The following NIN variants were observed in gnomAD, a reference collection of about 807,000 sequenced individuals.
NIN encodes ninein, also known as glycogen synthase kinase 3 beta-interacting protein.
NIN carries 137 observed loss-of-function variants against 257.6 expected under a neutral mutation model. The observed-to-expected ratio is 0.53, with a 90% confidence interval of 0.46 to 0.61. The LOEUF (loss-of-function observed/expected upper bound fraction) is 0.61, where lower values mean the gene tolerates loss of function less well. Ranked by LOEUF, NIN falls within the 20% of genes least tolerant of loss-of-function variation. The probability of loss-of-function intolerance (pLI) is 0.00; values close to 1 mark genes in which losing one functional copy is unlikely to be tolerated. For synonymous variants in NIN, 918 were observed against 919.8 expected (o/e 1.00, Z 0.04); for missense variants, 2,439 against 2,501.2 (o/e 0.98, Z 0.53).
intron 30 of NIN, among the ~76,000 whole-genome samples, chr14:50,724,474 C>T (rs1021284288): frequency 6.6e-6 from 1 of 152,202 alleles, no homozygotes; most frequent in Admixed American, 6.5e-5. Flanking sequence ...ACCTAGATGA[C>T]TGGCAGACAT....
chr14:50,732,037 T>C (rs1437330500), intron 28 of NIN, among the ~76,000 whole-genome samples: 2 of 152,190 alleles, frequency 1.3e-5, no homozygotes, highest in Non-Finnish European at 2.9e-5. Context: ...AAAACAAACT[T>C]ATTGAACCGC....
At chr14:50,751,752 C>A (rs1325640405) in intron 21 of NIN, among the ~76,000 whole-genome samples, 1 of 152,112 alleles carries the variant, frequency 6.6e-6, no homozygotes, top group Non-Finnish European at 1.5e-5. Flanking sequence ...GTCTTGAACT[C>A]CTAGGCTCAA....
At chr14:50,753,972 T>G (rs911414675) in intron 20 of NIN, among the ~76,000 whole-genome samples, 7 of 152,224 alleles carry the variant, frequency 4.6e-5, no homozygotes, top group Non-Finnish European at 7.3e-5. Flanking sequence ...AAATACATTT[T>G]GGATGTTAAC....
chr14:50,759,583 T>C (rs541634362), intron 17 of NIN, among the ~76,000 whole-genome samples: 21 of 151,614 alleles, frequency 1.4e-4, no homozygotes, highest in Admixed American at 1.3e-3. Flanking sequence ...AAGCTCCGCC[T>C]CCCGGGTTCA....
intron 24 of NIN, chr14:50,742,022 A>T (rs1245277577): frequency 2.1e-5 from 6 of 286,068 alleles, no homozygotes; most frequent in Non-Finnish European, 3.9e-5. Flanking sequence ...CTGGCATCAC[A>T]AAAGATGGTT....
chr14:50,792,982 A>C, intron 4 of NIN, 101 bp from the exon 5 acceptor site: 1 of 1,193,446 alleles, frequency 8.4e-7, no homozygotes, highest in Non-Finnish European at 1.2e-6. Context: ...CAACCTCAAA[A>C]TAAACCACCA....
At chr14:50,801,080 C>G (rs562931601) in intron 4 of NIN, among the ~76,000 whole-genome samples, 1 of 132,496 alleles carries the variant, frequency 7.5e-6, no homozygotes, top group Non-Finnish European at 1.6e-5. Context: ...TGAGCCACTG[C>G]GCCCGGCTTT....
chr14:50,789,420 A>G (rs2043486416), intron 5 of NIN, among the ~76,000 whole-genome samples: 1 of 152,174 alleles, frequency 6.6e-6, no homozygotes, highest in African/African-American at 2.4e-5. Flanking sequence ...TAGAAATACA[A>G]AAATTAGCCA....
At chr14:50,741,137 T>G (rs2041261963) in intron 25 of NIN, among the ~76,000 whole-genome samples, 1 of 152,220 alleles carries the variant, frequency 6.6e-6, no homozygotes, top group African/African-American at 2.4e-5. Flanking sequence ...CCAGATTAAT[T>G]TCTTGCAATG....
In NIN at chr14:50,739,388, G is replaced by A. The variant is rs1229704012; in HGVS notation, c.5548C>T (p.Gln1850Ter). The change falls in exon 26 of 31, where the codon CAG (glutamine) becomes TAG (stop). Residue 1850 changes from glutamine (Q) to a stop codon, truncating the protein, a stop_gained. Transcript: ENST00000530997. LOFTEE classifies it high-confidence loss of function. ...KLDHLMNEEQ[Q>*]LLWQENERLQ... ...CTCTCATTCTCTTGCCAAAGCAGCT[G>A]CTGTTCCTCATTCATCAGATGATCC... 6.2e-7 allele frequency: 1 copy of A among 1,614,214 alleles called. No individual in the cohort carries two copies. Among genetic ancestry groups the A allele is most frequent in the East Asian group, 2.2e-5 (1 of 44,884 alleles).
intron 12 of NIN, among the ~76,000 whole-genome samples, chr14:50,768,158 T>C (rs2042584195): frequency 1.3e-5 from 2 of 152,096 alleles, no homozygotes; most frequent in East Asian, 1.9e-4. Flanking sequence ...AGAACATCAT[T>C]TTCTAAGAAC....
chr14:50,729,540 CG>C lies in NIN; in HGVS notation c.6060del (p.Glu2021LysfsTer13), dbSNP rs2040587128. 1 of 1,613,712 alleles carries C rather than the reference CG, an allele frequency of 6.2e-7. No homozygotes were observed. Among genetic ancestry groups the C allele is most frequent in the African/African-American group, 1.3e-5 (1 of 74,932 alleles). On this transcript the variant is annotated frameshift_variant, in exon 29 of 31. Transcript: ENST00000530997. LOFTEE classifies it high-confidence loss of function. ...CTTCATACCTGTGGTGTGTTGGTTT[CG>C]GAGGTCCTGTTTTCAAGTTCCTCCT... is the stretch of plus-strand genomic sequence containing the variant. ...HLQEELENRT[S>X]ETNTPQGNQE...
chr14:50,722,860 A>T lies in NIN; in HGVS notation c.*603T>A. On this transcript the variant is annotated 3_prime_UTR_variant, in exon 31 of 31. Transcript: ENST00000530997. ...ATCAGTTCTAAATCTATAATACAAG[A>T]AGAGTGGTAATACTGTCACAGGTGT... The T allele has an allele frequency of 4.7e-6, 1 of 212,376 alleles. No homozygotes were observed. Among genetic ancestry groups the T allele is most frequent in the East Asian group, 7.0e-5 (1 of 14,210 alleles). The allele number at this position is 212,376 out of a possible 1,614,324, so 13.2% of individuals were successfully genotyped here.
chr14:50,825,302 T>C (rs1240593541), intron 2 of NIN, among the ~76,000 whole-genome samples: 1 of 151,974 alleles, frequency 6.6e-6, no homozygotes, highest in African/African-American at 2.4e-5. Flanking sequence ...GGGCAGGGAG[T>C]GTACTATGTA....
At chr14:50,759,436 C>G (rs892037947) in intron 17 of NIN, among the ~76,000 whole-genome samples, 2 of 151,790 alleles carry the variant, frequency 1.3e-5, no homozygotes, top group Non-Finnish European at 2.9e-5. Flanking sequence ...TTAAAAGAGT[C>G]TACTCAATCA....
intron 20 of NIN, among the ~76,000 whole-genome samples, chr14:50,753,259 G>A (rs2041873587): frequency 6.6e-6 from 1 of 152,176 alleles, no homozygotes; most frequent in Non-Finnish European, 1.5e-5. Context: ...AATTAGCCGG[G>A]TGTGGTGGCA....
intron 7 of NIN, among the ~76,000 whole-genome samples, chr14:50,776,654 A>T (rs187251624): frequency 6.6e-6 from 1 of 152,310 alleles, no homozygotes; most frequent in Admixed American, 6.5e-5. Flanking sequence ...TGGCACCTCT[A>T]CAAATACATC....
rs114461194 is a variant in NIN, at chr14:50,778,547, C to T, written c.475+218G>A. Among the ~76,000 whole-genome samples, 579 of 152,186 alleles carry T rather than the reference C, an allele frequency of 3.8e-3. 7 individuals carry two copies. Among genetic ancestry groups the T allele is most frequent in the African/African-American group, 0.013 (556 of 41,514 alleles). ...AGTCTGTATAAGAGAGAAATTAGCC[C>T]GTAAGTAAAATTATATATCTTAGTT... On this transcript the variant is annotated intron_variant, in intron 6 of 30. Coordinates refer to ENST00000530997, the MANE Select transcript of NIN (RefSeq NM_020921.4).
chr14:50,759,606 G>C (rs1373731928), intron 17 of NIN, among the ~76,000 whole-genome samples: 1 of 151,862 alleles, frequency 6.6e-6, no homozygotes, highest in Non-Finnish European at 1.5e-5. Context: ...CCATTCTCCT[G>C]CCTCAGCCTC....
Sources: allele counts gnomAD v4.1 joint callset (sites outside exome capture counted in the v4.1 genomes callset), GRCh38; gene constraint gnomAD v4.1.1; transcripts MANE v1.5; gene names NCBI Gene and HGNC (gene_info 2026-07-23, HGNC 2026-07-21).